The following NCOA3 variants were observed in gnomAD, a reference collection of about 807,000 sequenced individuals.
The protein encoded by NCOA3 is nuclear receptor coactivator 3, also known as CBP-interacting protein.
NCOA3 carries 51 observed loss-of-function variants against 158.8 expected under a neutral mutation model. The ratio of observed to expected loss-of-function variants is 0.32; its 90% CI spans 0.26 to 0.41. NCOA3 has a LOEUF of 0.41. Among genes scored for constraint, NCOA3 ranks in the 10% least tolerant of loss-of-function variants. The pLI is 1.00. For missense variants in NCOA3, 1,510 were observed against 1,746.6 expected (o/e 0.86, Z 2.41); for synonymous variants, 537 against 592.4 (o/e 0.91, Z 1.36).
intron 2 of NCOA3, among the ~76,000 whole-genome samples, chr20:47,587,171 T>G (rs1405079319): frequency 1.3e-5 from 2 of 152,222 alleles, no homozygotes; most frequent in African/African-American, 4.8e-5. Flanking sequence ...AATAGCCCTA[T>G]GTATTGGTGA....
intron 18 of NCOA3, among the ~76,000 whole-genome samples, chr20:47,648,631 C>G (rs1306520901): frequency 6.6e-6 from 1 of 152,068 alleles, no homozygotes; most frequent in Non-Finnish European, 1.5e-5. Context: ...TGCCACCACT[C>G]TTGGCTAATT....
chr20:47,526,028 C>T (rs1220174730), intron 1 of NCOA3, among the ~76,000 whole-genome samples: 5 of 150,684 alleles, frequency 3.3e-5, no homozygotes, highest in Admixed American at 6.6e-5. Context: ...GGCGGAGGGG[C>T]TCCTCACTTC....
intron 2 of NCOA3, among the ~76,000 whole-genome samples, chr20:47,603,509 C>T (rs186611965): frequency 3.5e-4 from 54 of 152,336 alleles, no homozygotes; most frequent in African/African-American, 1.3e-3. Flanking sequence ...CGACCATGGA[C>T]GGCTTAAGTG....
At chr20:47,594,499 C>T (rs1008714319) in intron 2 of NCOA3, among the ~76,000 whole-genome samples, 4 of 151,276 alleles carry the variant, frequency 2.6e-5, no homozygotes, top group African/African-American at 9.7e-5. Context: ...CTCGTCTCTA[C>T]TAAAAATACA....
chr20:47,534,469 T>A (rs2084601496), intron 1 of NCOA3, among the ~76,000 whole-genome samples: 1 of 152,176 alleles, frequency 6.6e-6, no homozygotes, highest in Admixed American at 6.5e-5. Flanking sequence ...TCATGCTGAA[T>A]TTGAGTCTTT....
Position 47,636,607 on chromosome 20 carries a change from C to T in NCOA3, c.2221C>T (p.Leu741=). 3 of 1,614,190 alleles carry T rather than the reference C, an allele frequency of 1.9e-6. No homozygotes were observed. The highest frequency in any genetic ancestry group is 2.5e-6 in the Non-Finnish European group (3 of 1,180,036). ...GGAGAATAATGCACTTCTTAGATAC[C>T]TGCTGGACAGGGATGATCCTAGTGA... ...KKENNALLRY[L]LDRDDPSDAL... is the part of the protein sequence containing the mutation. The change falls in exon 12 of 23, where the codon CTG becomes TTG. Residue 741 remains leucine, a synonymous_variant. Coordinates refer to ENST00000371998, the MANE Select transcript of NCOA3 (RefSeq NM_181659.3).
In NCOA3 at chr20:47,642,380, A is replaced by G. The variant is rs752661981; in HGVS notation, c.3248A>G (p.Asn1083Ser). The G allele has an allele frequency of 1.3e-5, 20 of 1,596,150 alleles. No homozygotes were observed. Among genetic ancestry groups the G allele is most frequent in the Admixed American group, 9.1e-5 (5 of 54,666 alleles). ...GCTTTGGGCATTCCTGAACTTGTCAATCAGGTAGGTTGCATTAACATGGAA... is the reference window on the plus strand; with the variant it reads ...GCTTTGGGCATTCCTGAACTTGTCAGTCAGGTAGGTTGCATTAACATGGAA... ...DRALGIPELV[N>S]QGQALEPKQD... The change falls in exon 17 of 23, where the codon AAT (asparagine) becomes AGT (serine). Residue 1083 changes from asparagine (N) to serine (S), a missense_variant. By Grantham distance (46) the Asn-to-Ser change is conservative. This residue lies in a region of NCOA3 where 1,017 missense variants were observed against 1,098.3 expected (regional missense o/e 0.93). Transcript: ENST00000371998.
intron 1 of NCOA3, among the ~76,000 whole-genome samples, chr20:47,527,778 G>C (rs2084479953): frequency 6.6e-6 from 1 of 152,100 alleles, no homozygotes; most frequent in African/African-American, 2.4e-5. Flanking sequence ...CCAACACTTG[G>C]TATTAATATT....
intron 1 of NCOA3, among the ~76,000 whole-genome samples, chr20:47,552,429 G>A (rs1439596372): frequency 6.6e-6 from 1 of 152,128 alleles, no homozygotes; most frequent in Non-Finnish European, 1.5e-5. Flanking sequence ...TTGATATGAG[G>A]CAAGAGCAAA....
At chr20:47,613,297 C>T (rs1303540046) in intron 2 of NCOA3, among the ~76,000 whole-genome samples, 1 of 150,210 alleles carries the variant, frequency 6.7e-6, no homozygotes, top group African/African-American at 2.4e-5. Context: ...ACTGTAGGCT[C>T]CTAGCTTTGC....
At chr20:47,598,120 G>A (rs1206777148) in intron 2 of NCOA3, among the ~76,000 whole-genome samples, 2 of 150,560 alleles carry the variant, frequency 1.3e-5, no homozygotes, top group Admixed American at 6.6e-5. Context: ...GGTGGCGGGC[G>A]CCTGTAGTCC....
chr20:47,644,121 A>G (rs2086652068), intron 17 of NCOA3, among the ~76,000 whole-genome samples: 1 of 147,838 alleles, frequency 6.8e-6, no homozygotes, highest in Middle Eastern at 3.5e-3. Flanking sequence ...TTCTGTTGAC[A>G]TGTTGGGCAT....
At chr20:47,537,382 C>T (rs1237210436) in intron 1 of NCOA3, among the ~76,000 whole-genome samples, 1 of 124,176 alleles carries the variant, frequency 8.1e-6, no homozygotes, top group Admixed American at 1.1e-4. Context: ...GAGTGTTTTT[C>T]TATAGAAAGG....
At position 47,637,704 on chromosome 20, in the gene NCOA3, C is replaced by T; in HGVS notation, c.2433C>T (p.Asp811=). 6.2e-7 allele frequency: 1 copy of T among 1,611,824 alleles called. No homozygotes were observed. Among genetic ancestry groups the T allele is most frequent in the African/African-American group, 1.3e-5 (1 of 74,838 alleles). ...DAILGDLTSS[D]FYNNSISSNG... is the part of the protein sequence containing the mutation. ...TTCTTGGTGATCTGACTAGTTCTGA[C>T]TTTTACAATAATTCCATATCCTCAA... Residue 811 remains aspartate, a synonymous_variant, in exon 13 of 23, where the codon GAC becomes GAT. Coordinates refer to ENST00000371998, the MANE Select transcript of NCOA3 (RefSeq NM_181659.3).
chr20:47,525,618 C>T (rs2084421369), intron 1 of NCOA3, among the ~76,000 whole-genome samples: 1 of 132,478 alleles, frequency 7.5e-6, no homozygotes, highest in Non-Finnish European at 1.6e-5. Flanking sequence ...GGGGGCTGAC[C>T]CCCCCACCTC....
chr20:47,618,791 A>T (rs2146291713), intron 2 of NCOA3, among the ~76,000 whole-genome samples: 1 of 152,392 alleles, frequency 6.6e-6, no homozygotes, highest in African/African-American at 2.4e-5. Flanking sequence ...GTCTATGGAC[A>T]TAGCTCGACA....
intron 2 of NCOA3, among the ~76,000 whole-genome samples, chr20:47,611,046 C>T (rs1023702434): frequency 6.6e-5 from 10 of 152,176 alleles, no homozygotes; most frequent in Admixed American, 6.5e-4. Context: ...CTTTATGTAC[C>T]ATCCTTGCTG....
chr20:47,593,503 G>A (rs1019331308), intron 2 of NCOA3, among the ~76,000 whole-genome samples: 4 of 151,294 alleles, frequency 2.6e-5, no homozygotes, highest in Admixed American at 6.6e-5. Context: ...CACCACGCCC[G>A]GCTAATTTTT....
chr20:47,555,627 A>T (rs1162775243), intron 1 of NCOA3, among the ~76,000 whole-genome samples: 6 of 147,088 alleles, frequency 4.1e-5, no homozygotes, highest in Non-Finnish European at 6.0e-5. Flanking sequence ...AGATACTATT[A>T]AAGTGTTTTT....
Sources: gnomAD v4.1 joint callset for allele counts (sites outside exome capture counted in the v4.1 genomes callset) on GRCh38, gnomAD v4.1.1 for gene constraint, gnomAD v4.1.1 regional missense constraint, MANE v1.5 for transcripts, NCBI Gene and HGNC (gene_info 2026-07-23, HGNC 2026-07-21) for gene names.